The following CNTLN variants were observed in gnomAD, a reference collection of about 807,000 sequenced individuals.
The protein encoded by CNTLN is centlein.
In CNTLN, 212 loss-of-function variants were observed where a neutral mutation model predicts 180.0. The ratio of observed to expected loss-of-function variants is 1.18; its 90% CI spans 1.05 to 1.32. The LOEUF (loss-of-function observed/expected upper bound fraction) is 1.32, where lower values mean the gene tolerates loss of function less well. Ranked by LOEUF, CNTLN falls within the 40% of genes most tolerant of loss-of-function variation. The pLI is 0.00. For synonymous variants in CNTLN, 722 were observed against 563.1 expected (o/e 1.28, Z -3.99); for missense variants, 2,095 against 1,610.9 (o/e 1.30, Z -5.14).
intron 8 of CNTLN, among the ~76,000 whole-genome samples, chr9:17,318,336 AAT>A (rs1819674671): frequency 1.3e-5 from 2 of 152,036 alleles, no homozygotes; most frequent in Non-Finnish European, 2.9e-5. Context: ...GCCCTAACTG[AAT>A]ATTTTTAAAA....
At chr9:17,498,590 T>C (rs1285153488) in intron 25 of CNTLN, among the ~76,000 whole-genome samples, 1 of 152,214 alleles carries the variant, frequency 6.6e-6, no homozygotes, top group African/African-American at 2.4e-5. Flanking sequence ...GTTAAATTTC[T>C]ATGCCAAGAA....
At chr9:17,219,934 A>G (rs1469117116) in intron 2 of CNTLN, among the ~76,000 whole-genome samples, 1 of 151,838 alleles carries the variant, frequency 6.6e-6, no homozygotes, top group African/African-American at 2.4e-5. Context: ...ACTCCCATTC[A>G]TGAAGGAGTA....
intron 23 of CNTLN, among the ~76,000 whole-genome samples, chr9:17,467,183 T>C (rs1415202301): frequency 1.3e-5 from 2 of 151,576 alleles, no homozygotes. Context: ...AGAATTAAGC[T>C]GTTCCCACCC....
At chr9:17,143,465 CT>C (rs1478625550) in intron 2 of CNTLN, 89 bp downstream of exon 2, 2 of 894,896 alleles carry the variant, frequency 2.2e-6, no homozygotes, top group Non-Finnish European at 3.5e-6. Context: ...CATTAATCTC[CT>C]AAAGAGATTC....
intron 12 of CNTLN, among the ~76,000 whole-genome samples, chr9:17,353,828 T>A (rs1822574119): frequency 6.6e-6 from 1 of 152,156 alleles, no homozygotes; most frequent in Admixed American, 6.5e-5. Context: ...GGGCTCCCAC[T>A]TTGGTGGCAC....
At chr9:17,524,373 C>T in the CNTLN span, among the ~76,000 whole-genome samples, 1 of 152,202 alleles carries the variant, frequency 6.6e-6, no homozygotes, top group African/African-American at 2.4e-5. Flanking sequence ...GATGTCCCAG[C>T]TCAAGGCTGT....
intron 2 of CNTLN, chr9:17,167,391 G>T: frequency 6.9e-6 from 1 of 144,538 alleles, no homozygotes; most frequent in Non-Finnish European, 1.5e-5. Flanking sequence ...GAGAAAAGCT[G>T]TCTATACTGA....
At chr9:17,136,323 A>G (rs1191371155) in intron 1 of CNTLN, among the ~76,000 whole-genome samples, 2 of 152,200 alleles carry the variant, frequency 1.3e-5, no homozygotes, top group Non-Finnish European at 2.9e-5. Flanking sequence ...CTTTGTGAAC[A>G]GTATCATCAG....
At chr9:17,174,167 G>C (rs1820576962) in intron 2 of CNTLN, among the ~76,000 whole-genome samples, 1 of 152,166 alleles carries the variant, frequency 6.6e-6, no homozygotes, top group Non-Finnish European at 1.5e-5. Context: ...GTATATATCA[G>C]TAGTTCATTT....
chr9:17,510,769 G>A, the CNTLN span, among the ~76,000 whole-genome samples: 1 of 152,134 alleles, frequency 6.6e-6, no homozygotes. Context: ...CCCCATGTTG[G>A]TTCTGTTTTC....
At chr9:17,442,361 G>A (rs186630090) in intron 18 of CNTLN, among the ~76,000 whole-genome samples, 1 of 152,152 alleles carries the variant, frequency 6.6e-6, no homozygotes, top group Admixed American at 6.5e-5. Context: ...AATAGCAGAA[G>A]GAGAACTGTA....
chr9:17,340,298 C>G (rs193217881), intron 10 of CNTLN, among the ~76,000 whole-genome samples: 456 of 152,170 alleles, frequency 3.0e-3, no homozygotes, highest in African/African-American at 0.01. Context: ...TGGTACAACC[C>G]CAGAAGGTTA....
Position 17,267,164 on chromosome 9 carries a change from C to T in CNTLN, c.850-6569C>T, listed in dbSNP as rs187513048. 3.9e-3 allele frequency among the ~76,000 whole-genome samples: 590 copies of T among 152,166 alleles called. 4 individuals are homozygous for T. Among genetic ancestry groups the T allele is most frequent in the African/African-American group, 0.013 (525 of 41,500 alleles). ...GTCTTTACATTTTGGCATGTTTTTG[C>T]AGTGGCTGGTACCGGTTGTTCCTTT... On this transcript the variant is annotated intron_variant, in intron 5 of 25. Coordinates refer to ENST00000380647, the MANE Select transcript of CNTLN (RefSeq NM_017738.4).
At chr9:17,159,600 A>G (rs1819537338) in intron 2 of CNTLN, among the ~76,000 whole-genome samples, 1 of 152,212 alleles carries the variant, frequency 6.6e-6, no homozygotes, top group Non-Finnish European at 1.5e-5. Flanking sequence ...ACTTAGCCTC[A>G]GCAGCAGTTA....
chr9:17,269,740 G>A (rs1827797555), intron 5 of CNTLN, among the ~76,000 whole-genome samples: 1 of 152,078 alleles, frequency 6.6e-6, no homozygotes, highest in South Asian at 2.1e-4. Context: ...TTGTTGTTGA[G>A]TGGAATATTC....
intron 19 of CNTLN, among the ~76,000 whole-genome samples, chr9:17,458,936 T>G (rs1020421488): frequency 2.4e-4 from 36 of 151,836 alleles, no homozygotes; most frequent in African/African-American, 8.5e-4. Context: ...ACTGAACATT[T>G]CAGTGTTAAG....
At chr9:17,408,937 A>T (rs901652549) in intron 15 of CNTLN, among the ~76,000 whole-genome samples, 1 of 152,200 alleles carries the variant, frequency 6.6e-6, no homozygotes, top group African/African-American at 2.4e-5. Context: ...AGGTGAAGGA[A>T]AAACTTTGTT....
intron 5 of CNTLN, among the ~76,000 whole-genome samples, chr9:17,266,450 G>C (rs11562196): frequency 1.3e-4 from 19 of 151,754 alleles, no homozygotes; most frequent in African/African-American, 4.4e-4. Context: ...GGAGAGCTTT[G>C]CTTCCCAGTA....
At chr9:17,373,145 C>G (rs1396840205) in intron 13 of CNTLN, among the ~76,000 whole-genome samples, 1 of 151,876 alleles carries the variant, frequency 6.6e-6, no homozygotes, top group Non-Finnish European at 1.5e-5. Context: ...AGTCACACAA[C>G]AGAAAGAAAG....
Sources: gnomAD v4.1 joint callset for allele counts (sites outside exome capture counted in the v4.1 genomes callset) on GRCh38, gnomAD v4.1.1 for gene constraint, MANE v1.5 for transcripts, NCBI Gene and HGNC (gene_info 2026-07-23, HGNC 2026-07-21) for gene names.